The following MSRB3 variants were observed in gnomAD, a reference collection of about 807,000 sequenced individuals.
MSRB3 encodes methionine sulfoxide reductase B3.
A neutral mutation model predicts 21.0 loss-of-function variants in MSRB3; 13 were observed. That is an observed-to-expected ratio of 0.62 (90% CI 0.40 to 0.98). The LOEUF is 0.98. MSRB3 is among the 50% of genes least tolerant of loss of function. The pLI is 0.00. For synonymous variants in MSRB3, 87 were observed against 88.6 expected, an observed-to-expected ratio of 0.98 and a Z score of 0.10; for missense variants, 199 against 230.3, an observed-to-expected ratio of 0.86 and a Z score of 0.88.
At chr12:65,317,947 C>T (rs938589523) in intron 2 of MSRB3, among the ~76,000 whole-genome samples, 15 of 152,138 alleles carry the variant, frequency 9.9e-5, no homozygotes, top group Non-Finnish European at 2.2e-4. Flanking sequence ...CTTCCTTTTT[C>T]TCAGCCACAT....
intron 4 of MSRB3, among the ~76,000 whole-genome samples, chr12:65,361,262 C>T (rs1592564205): frequency 6.6e-6 from 1 of 151,990 alleles, no homozygotes; most frequent in Admixed American, 6.6e-5. Context: ...TCCACACAAA[C>T]GTTTTTAAAG....
chr12:65,451,436 G>A (rs148910065), intron 5 of MSRB3, among the ~76,000 whole-genome samples: 3 of 152,214 alleles, frequency 2.0e-5, no homozygotes, highest in Admixed American at 6.5e-5. Context: ...GGAAAATCCT[G>A]TGCATATCTA....
At chr12:65,443,976 G>A (rs1164079754) in intron 5 of MSRB3, among the ~76,000 whole-genome samples, 3 of 152,044 alleles carry the variant, frequency 2.0e-5, no homozygotes, top group Non-Finnish European at 4.4e-5. Flanking sequence ...TAAATATAAT[G>A]TAAATAATGA....
At chr12:65,439,247 C>T (rs565540186) in intron 5 of MSRB3, among the ~76,000 whole-genome samples, 6 of 151,432 alleles carry the variant, frequency 4.0e-5, no homozygotes, top group African/African-American at 1.4e-4. Context: ...CAATCATAAA[C>T]CTACAGGAAT....
intron 1 of MSRB3, among the ~76,000 whole-genome samples, chr12:65,304,922 T>C (rs144327104): frequency 2.0e-5 from 3 of 152,318 alleles, no homozygotes; most frequent in African/African-American, 4.8e-5. Context: ...CTTTACAGAT[T>C]GTGAAGGTAT....
chr12:65,325,824 C>T (rs1874989289), intron 2 of MSRB3, among the ~76,000 whole-genome samples: 1 of 152,188 alleles, frequency 6.6e-6, no homozygotes, highest in Non-Finnish European at 1.5e-5. Flanking sequence ...AATTTTACTG[C>T]AGTGAGTAAT....
intron 4 of MSRB3, 44 bp from the exon 5 acceptor site, chr12:65,368,954 T>C: frequency 1.1e-6 from 1 of 878,762 alleles, no homozygotes; most frequent in Non-Finnish European, 1.7e-6. Context: ...ATTGTTCTTT[T>C]ACAAACAGTT....
At chr12:65,357,170 C>T (rs113156209) in intron 4 of MSRB3, among the ~76,000 whole-genome samples, 23 of 151,944 alleles carry the variant, frequency 1.5e-4, no homozygotes, top group African/African-American at 5.5e-4. Flanking sequence ...GAGCAAAAAG[C>T]CTAGCAGTCA....
chr12:65,466,754 T>C lies in MSRB3; in HGVS notation c.*3432T>C, dbSNP rs914864191. ...TAAAGGGGATTATCTTTTGTTTAGA[T>C]GGTTAAATATTATTTTTGCCTTAGA... On this transcript the variant is annotated 3_prime_UTR_variant, in exon 7 of 7. Coordinates refer to ENST00000308259, the MANE Select transcript of MSRB3 (RefSeq NM_001031679.3). 6.6e-6 allele frequency: 1 copy of C among 152,238 alleles called. No homozygotes were observed. The highest frequency in any genetic ancestry group is 2.4e-5 in the African/African-American group (1 of 41,454). The allele number at this position is 152,238 out of a possible 1,614,324, so 9.4% of individuals were successfully genotyped here. A position where few individuals can be genotyped will look rare whatever the true frequency, so the allele number is the denominator to read the frequency against.
chr12:65,332,625 T>TA (rs1411394641), intron 4 of MSRB3, among the ~76,000 whole-genome samples: 1 of 152,140 alleles, frequency 6.6e-6, no homozygotes, highest in Non-Finnish European at 1.5e-5. Context: ...CCCCAGAACT[T>TA]AAAGTATAAT....
chr12:65,404,697 T>C (rs1198259553), intron 5 of MSRB3, among the ~76,000 whole-genome samples: 2 of 152,228 alleles, frequency 1.3e-5, no homozygotes, highest in Non-Finnish European at 2.9e-5. Context: ...TTTTGAAATA[T>C]GTATACATTG....
intron 1 of MSRB3, among the ~76,000 whole-genome samples, chr12:65,302,440 G>T (rs964206303): frequency 4.6e-5 from 7 of 152,028 alleles, no homozygotes; most frequent in Admixed American, 1.3e-4. Context: ...CCCACTTAAT[G>T]TTCCCACTTA....
intron 5 of MSRB3, among the ~76,000 whole-genome samples, chr12:65,427,240 G>A (rs991581695): frequency 6.6e-6 from 1 of 152,102 alleles, no homozygotes; most frequent in Admixed American, 6.5e-5. Context: ...CTGGGTGGGG[G>A]ATGTAGCAAT....
chr12:65,382,020 G>A (rs1410311015), intron 5 of MSRB3, among the ~76,000 whole-genome samples: 1 of 152,050 alleles, frequency 6.6e-6, no homozygotes, highest in African/African-American at 2.4e-5. Flanking sequence ...ATAAGTGAAT[G>A]AATGACATAT....
intron 5 of MSRB3, among the ~76,000 whole-genome samples, chr12:65,426,913 T>A (rs544116202): frequency 2.0e-5 from 3 of 152,266 alleles, no homozygotes; most frequent in Admixed American, 2.0e-4. Flanking sequence ...TTTGTTAAAG[T>A]TCTTGTTTTG....
chr12:65,423,233 A>T (rs1363092393), intron 5 of MSRB3, among the ~76,000 whole-genome samples: 2 of 152,146 alleles, frequency 1.3e-5, no homozygotes, highest in Non-Finnish European at 2.9e-5. Flanking sequence ...AAGTGCTGGG[A>T]TTACAGGCAT....
At chr12:65,460,974 G>A (rs1367479869) in intron 6 of MSRB3, among the ~76,000 whole-genome samples, 1 of 151,592 alleles carries the variant, frequency 6.6e-6, no homozygotes, top group Non-Finnish European at 1.5e-5. Flanking sequence ...TATTTTTGGT[G>A]TAGAATAAAT....
At position 65,282,427 on chromosome 12, in the gene MSRB3, A is replaced by T. The variant is rs140293805; in HGVS notation, c.-52+3562A>T. 5.5e-3 allele frequency among the ~76,000 whole-genome samples: 832 copies of T among 152,326 alleles called. 12 individuals carry two copies. Among genetic ancestry groups the T allele is most frequent in the Middle Eastern group, 0.017 (5 of 294 alleles). ...CTTTAAGGGAAGTACAAAAAAGGAA[A>T]GTATAGAAAAGATCAAACAAACGCA... is the stretch of plus-strand genomic sequence containing the variant. On this transcript the variant is annotated intron_variant, in intron 1 of 6. Coordinates refer to ENST00000308259, the MANE Select transcript of MSRB3 (RefSeq NM_001031679.3).
chr12:65,289,126 G>T (rs930018610), intron 1 of MSRB3, among the ~76,000 whole-genome samples: 21 of 152,104 alleles, frequency 1.4e-4, no homozygotes, highest in Admixed American at 1.0e-3. Flanking sequence ...GATAAACCTT[G>T]CTTTCTTTAT....
Sources: allele counts gnomAD v4.1 joint callset (sites outside exome capture counted in the v4.1 genomes callset), GRCh38; gene constraint gnomAD v4.1.1; transcripts MANE v1.5; gene names NCBI Gene and HGNC (gene_info 2026-07-23, HGNC 2026-07-21).